Variants in MYO15A observed in about 807,000 individuals in gnomAD.
The protein encoded by MYO15A is unconventional myosin-XV.
A neutral mutation model predicts 394.6 loss-of-function variants in MYO15A; 308 were observed. The ratio of observed to expected loss-of-function variants is 0.78; its 90% CI spans 0.71 to 0.86. MYO15A has a LOEUF of 0.86. MYO15A is among the 40% of genes least tolerant of loss of function. The pLI is 0.00. For missense variants in MYO15A, 4,606 were observed against 4,799.1 expected (o/e 0.96, Z 1.19); for synonymous variants, 1,957 against 2,003.8 (o/e 0.98, Z 0.62).
chr17:18,178,715 A>G (rs747070626), intron 65 of MYO15A, 54 bp from the exon 66 acceptor site: 1 of 1,531,288 alleles, frequency 6.5e-7, no homozygotes, highest in Non-Finnish European at 9.1e-7. Context: ...TCCCACCCCA[A>G]GGTAAGAGCT....
Position 18,178,951 on chromosome 17 carries a change from A to T in MYO15A, c.*81A>T. ...AGAAATCACTGAACCTCTCAGGATC[A>T]ATGACCCCTGTAAGGGGCCAGAGCC... On this transcript the variant is annotated 3_prime_UTR_variant, in exon 66 of 66. Transcript: ENST00000647165. 7.1e-7 allele frequency: 1 copy of T among 1,416,126 alleles called. No homozygotes were observed. The highest frequency in any genetic ancestry group is 9.8e-7 in the Non-Finnish European group (1 of 1,023,262). The allele number at this position is 1,416,126 out of a possible 1,614,324, so 87.7% of individuals were successfully genotyped here. A position where few individuals can be genotyped will look rare whatever the true frequency, so the allele number is the denominator to read the frequency against.
At chr17:18,172,772 G>A (rs2142433036) in intron 64 of MYO15A, 1 of 267,618 alleles carries the variant, frequency 3.7e-6, no homozygotes, top group Non-Finnish European at 7.3e-6. Flanking sequence ...CCTCTTATAA[G>A]GACATCTGTC....
chr17:18,163,322 G>C lies in MYO15A; in HGVS notation c.9690+1G>C. ...CCATCTCAAAATCAAAACATGCACT[G>C]TAAGTGAAGAAATGTCTCCTGCAGC... is the stretch of plus-strand genomic sequence containing the variant. On this transcript the variant is annotated splice_donor_variant, in intron 59 of 65. Coordinates refer to ENST00000647165, the MANE Select transcript of MYO15A (RefSeq NM_016239.4). LOFTEE classifies it high-confidence loss of function. The C allele has an allele frequency of 6.2e-7, 1 of 1,613,936 alleles. No homozygotes were observed. The highest frequency in any genetic ancestry group is 8.5e-7 in the Non-Finnish European group (1 of 1,179,838).
chr17:18,157,301 C>T (rs1422931648), intron 50 of MYO15A, 71 bp downstream of exon 50: 1 of 1,544,478 alleles, frequency 6.5e-7, no homozygotes, highest in Non-Finnish European at 8.8e-7. Flanking sequence ...TGCAGATGCA[C>T]AGTGAGGGTT....
intron 1 of MYO15A, among the ~76,000 whole-genome samples, chr17:18,115,452 C>G (rs1011438733): frequency 1.3e-5 from 2 of 152,158 alleles, no homozygotes; most frequent in Admixed American, 1.3e-4. Flanking sequence ...AACCCTGTCT[C>G]TACTAAAAAT....
chr17:18,168,003 T>C (rs2046879656), intron 62 of MYO15A, among the ~76,000 whole-genome samples: 1 of 152,250 alleles, frequency 6.6e-6, no homozygotes, highest in South Asian at 2.1e-4. Flanking sequence ...ACATGTTCCC[T>C]GTGGTCCAGG....
At chr17:18,157,931 G>T in intron 51 of MYO15A, 31 bp downstream of exon 51, 1 of 412,720 alleles carries the variant, frequency 2.4e-6, no homozygotes, top group Non-Finnish European at 4.5e-6. Flanking sequence ...GTGGGGCGGG[G>T]TAGACCAGGG....
rs763250174 is a variant in MYO15A, at chr17:18,118,978, T to C, written c.178T>C (p.Phe60Leu). ...CCAGTTCCGCAGCGCCTCGGCCTTC[T>C]TCTGGGGCCTCCACACCGGCCCCCA... Reference protein sequence around the residue: ...KGQFRSASAFFWGLHTGPQKT... With the variant: ...KGQFRSASAFLWGLHTGPQKT... Residue 60 changes from phenylalanine to leucine, a missense_variant, in exon 2 of 66, where the codon TTC becomes CTC. Physicochemically the swap from Phe to Leu is conservative, Grantham distance 22. Coordinates refer to ENST00000647165, the MANE Select transcript of MYO15A (RefSeq NM_016239.4). The C allele has an allele frequency of 1.7e-5, 28 of 1,613,068 alleles. No individual in the cohort carries two copies. The highest frequency in any genetic ancestry group is 9.9e-5 in the South Asian group (9 of 91,068).
intron 50 of MYO15A, 104 bp downstream of exon 50, chr17:18,157,334 G>T: frequency 6.9e-7 from 1 of 1,449,950 alleles, no homozygotes; most frequent in Non-Finnish European, 9.5e-7. Context: ...AAAGTGGCCT[G>T]GGCTGGTCAG....
chr17:18,126,957 T>A, intron 6 of MYO15A, 92 bp downstream of exon 6: 1 of 1,596,592 alleles, frequency 6.3e-7, no homozygotes, highest in South Asian at 1.1e-5. Flanking sequence ...CTTGGAAGAT[T>A]GCCTGGTACC....
intron 1 of MYO15A, 74 bp from the exon 2 acceptor site, chr17:18,118,508 C>G (rs1340264825): frequency 8.3e-6 from 4 of 483,850 alleles, no homozygotes; most frequent in East Asian, 3.8e-5. Flanking sequence ...GAATGTCTCC[C>G]CCAGCACAGG....
chr17:18,154,001 A>G, intron 43 of MYO15A, 105 bp downstream of exon 43: 3 of 1,605,320 alleles, frequency 1.9e-6, no homozygotes, highest in Non-Finnish European at 2.6e-6. Flanking sequence ...CCAGGAGGAC[A>G]GAAAAAGGCC....
chr17:18,111,691 G>A (rs951596982), intron 1 of MYO15A, among the ~76,000 whole-genome samples: 1 of 152,182 alleles, frequency 6.6e-6, no homozygotes, highest in Non-Finnish European at 1.5e-5. Flanking sequence ...AGGACTTGCT[G>A]CCAGCAGTCA....
chr17:18,120,770 G>A lies in MYO15A; in HGVS notation c.1970G>A (p.Trp657Ter). The A allele has an allele frequency of 1.4e-6, 2 of 1,436,130 alleles. No individual in the cohort carries two copies. The highest frequency in any genetic ancestry group is 1.8e-6 in the Non-Finnish European group (2 of 1,104,564). 89.0% of individuals were successfully genotyped at this position (1,436,130 alleles called of 1,614,324 possible). A position where few individuals can be genotyped will look rare whatever the true frequency, so the allele number is the denominator to read the frequency against. ...PQPAPRTLSH[W>*]SALLSPPVPP... The stretch of plus-strand genomic sequence containing the variant: ...CCCGCGCCCAGGACCCTCTCCCACT[G>A]GAGCGCGCTCCTGTCTCCGCCCGTG... The change falls in exon 2 of 66, where the codon TGG becomes TAG. Residue 657 changes from tryptophan (W) to a stop codon, truncating the protein, a stop_gained. Transcript: ENST00000647165. LOFTEE classifies it high-confidence loss of function.
intron 19 of MYO15A, among the ~76,000 whole-genome samples, 166 bp downstream of exon 19, chr17:18,139,777 A>G (rs1355663775): frequency 6.6e-6 from 1 of 151,960 alleles, no homozygotes; most frequent in African/African-American, 2.4e-5. Context: ...GCCTGTTCCC[A>G]CCTAGCTTGG....
intron 11 of MYO15A, 47 bp from the exon 12 acceptor site, chr17:18,133,178 C>T (rs761871987): frequency 3.7e-6 from 6 of 1,603,182 alleles, no homozygotes; most frequent in South Asian, 3.3e-5. Flanking sequence ...GGAGGGCTCC[C>T]CAGCCCCACC....
Position 18,148,219 on chromosome 17 carries a change from C to T in MYO15A, c.6691+9C>T. 1.2e-6 allele frequency: 2 copies of T among 1,613,332 alleles called. No individual in the cohort carries two copies. The highest frequency in any genetic ancestry group is 1.7e-6 in the Non-Finnish European group (2 of 1,179,996). On this transcript the variant is annotated intron_variant, in intron 31 of 65. Coordinates refer to ENST00000647165, the MANE Select transcript of MYO15A (RefSeq NM_016239.4). The surrounding 1 kb of genome is among the most constrained non-coding windows in gnomAD (Gnocchi z 4.8). ...CGTGGGCTGCTTCAATGGTAAGCTGCCTTCCCCCACCTCAGTGAGGGCAGT... is the reference window on the plus strand; with the variant it reads ...CGTGGGCTGCTTCAATGGTAAGCTGTCTTCCCCCACCTCAGTGAGGGCAGT...
intron 1 of MYO15A, among the ~76,000 whole-genome samples, chr17:18,116,121 C>T (rs531144807): frequency 1.3e-5 from 2 of 152,194 alleles, no homozygotes; most frequent in Non-Finnish European, 2.9e-5. Flanking sequence ...AATGCTGGCT[C>T]AGGACCCTTA....
chr17:18,152,209 G>T, intron 42 of MYO15A, 25 bp downstream of exon 42: 1 of 1,543,534 alleles, frequency 6.5e-7, no homozygotes, highest in South Asian at 1.2e-5. Context: ...AGGGAGGGAG[G>T]GGAGGGTGTC....
Sources: allele counts gnomAD v4.1 joint callset (sites outside exome capture counted in the v4.1 genomes callset), GRCh38; gene constraint gnomAD v4.1.1; non-coding constraint Gnocchi (gnomAD v3.1); transcripts MANE v1.5; gene names NCBI Gene and HGNC (gene_info 2026-07-23, HGNC 2026-07-21).